Variants in SPATA16 observed in about 807,000 individuals in gnomAD.
SPATA16 encodes spermatogenesis-associated protein 16.
In SPATA16, 36 loss-of-function variants were observed where a neutral mutation model predicts 63.3. That is an observed-to-expected ratio of 0.57 (90% CI 0.44 to 0.75). The LOEUF (loss-of-function observed/expected upper bound fraction) is 0.75. SPATA16 is among the 30% of genes least tolerant of loss of function. The pLI is 0.00. For missense variants in SPATA16, 646 were observed against 679.3 expected, an observed-to-expected ratio of 0.95 and a Z score of 0.54; for synonymous variants, 203 against 216.7, an observed-to-expected ratio of 0.94 and a Z score of 0.56.
intron 2 of SPATA16, among the ~76,000 whole-genome samples, chr3:173,100,913 T>C (rs1737477568): frequency 6.6e-6 from 1 of 152,092 alleles, no homozygotes; most frequent in Non-Finnish European, 1.5e-5. Flanking sequence ...TGTCAAAATA[T>C]ACAAACAACC....
At chr3:173,001,894 A>G (rs1734837104) in intron 4 of SPATA16, among the ~76,000 whole-genome samples, 1 of 152,228 alleles carries the variant, frequency 6.6e-6, no homozygotes, top group Non-Finnish European at 1.5e-5. Context: ...ACTGGAAACC[A>G]GAAGACCATT....
In SPATA16 at chr3:173,117,465, T is replaced by C. The variant is rs1459024169; in HGVS notation, c.267A>G (p.Glu89=). The C allele has an allele frequency of 2.5e-6, 4 of 1,614,074 alleles. No homozygotes were observed. Among genetic ancestry groups the C allele is most frequent in the African/African-American group, 1.3e-5 (1 of 74,946 alleles). ...KAAFKRKAEG[E]EKPTRKKQAK... Reference sequence around the variant, plus strand: ...CCTGTTTCTTTCTAGTTGGCTTTTCTTCACCTTCTGCCTTCCGTTTAAAGG... The same window carrying C: ...CCTGTTTCTTTCTAGTTGGCTTTTCCTCACCTTCTGCCTTCCGTTTAAAGG... Residue 89 remains glutamate (E), a synonymous_variant, in exon 2 of 11, where the codon GAA becomes GAG. Coordinates refer to ENST00000351008, the MANE Select transcript of SPATA16 (RefSeq NM_031955.6).
At position 173,124,937 on chromosome 3, in the gene SPATA16, T is replaced by C. The variant is rs113819761; in HGVS notation, c.-18-7188A>G. 6.0e-3 allele frequency among the ~76,000 whole-genome samples: 906 copies of C among 152,268 alleles called. 12 individuals are homozygous for C. Among genetic ancestry groups the C allele is most frequent in the African/African-American group, 0.021 (858 of 41,544 alleles). On this transcript the variant is annotated intron_variant, in intron 1 of 10. Coordinates refer to ENST00000351008, the MANE Select transcript of SPATA16 (RefSeq NM_031955.6). ...TCAAATACCATCATACATACCTAACTACCCGTGTTACAACTCTAGTCCTTA... is the reference window on the plus strand; with the variant it reads ...TCAAATACCATCATACATACCTAACCACCCGTGTTACAACTCTAGTCCTTA...
chr3:173,001,130 C>T (rs1413517813), intron 4 of SPATA16, among the ~76,000 whole-genome samples: 1 of 152,114 alleles, frequency 6.6e-6, no homozygotes, highest in Non-Finnish European at 1.5e-5. Flanking sequence ...AAAGGAACTG[C>T]AGTACAAAGA....
At position 173,060,255 on chromosome 3, in the gene SPATA16, C is replaced by A. The variant is rs114049327; in HGVS notation, c.613-11161G>T. Among the ~76,000 whole-genome samples the A allele has an allele frequency of 2.8e-3, 424 of 152,068 alleles. 4 individuals carry two copies. The highest frequency in any genetic ancestry group is 9.5e-3 in the African/African-American group (394 of 41,476). ...CCAGGTGACAACAGCGAAACTCCAT[C>A]CCCAAAAAAAGAAACAAAGCCAAAG... is the stretch of plus-strand genomic sequence containing the variant. On this transcript the variant is annotated intron_variant, in intron 2 of 10. Coordinates refer to ENST00000351008, the MANE Select transcript of SPATA16 (RefSeq NM_031955.6).
chr3:173,040,427 C>T (rs760498501), intron 3 of SPATA16, among the ~76,000 whole-genome samples: 13 of 151,964 alleles, frequency 8.6e-5, no homozygotes, highest in South Asian at 4.1e-4. Context: ...GGAAAGTGGA[C>T]GTATTTTAGT....
At chr3:172,977,121 G>T in intron 4 of SPATA16, 69 bp from the exon 5 acceptor site, 1 of 1,232,372 alleles carries the variant, frequency 8.1e-7, no homozygotes, top group Non-Finnish European at 1.2e-6. Flanking sequence ...ACCATAACAG[G>T]CACTATATAC....
rs1341575315 is a variant in SPATA16 at position 173,088,079 on chromosome 3, T to TTTCC, written c.612+29040_612+29041insGGAA. Among the ~76,000 whole-genome samples, 12 of 105,990 alleles carry TTTCC rather than the reference T, an allele frequency of 1.1e-4. No individual in the cohort carries two copies. The East Asian group carries it at 3.1e-3, about 27-fold the overall frequency. 69.5% of individuals were successfully genotyped at this position (105,990 alleles called of 152,430 possible). On this transcript the variant is annotated intron_variant, in intron 2 of 10. Coordinates refer to ENST00000351008, the MANE Select transcript of SPATA16 (RefSeq NM_031955.6). ...CTTTCTTTCTTTCTTTCTTTCTTTC[T>TTTCC]GTCTTTTCTTTTTTTTTTTTTTTTG...
intron 4 of SPATA16, among the ~76,000 whole-genome samples, chr3:172,987,705 C>A (rs1734488183): frequency 1.3e-5 from 2 of 152,164 alleles, no homozygotes; most frequent in Admixed American, 6.5e-5. Context: ...GCTTTCAGTT[C>A]TTCACAGCAG....
At chr3:173,098,945 TCAAC>T (rs541883923) in intron 2 of SPATA16, among the ~76,000 whole-genome samples, 50 of 151,962 alleles carry the variant, frequency 3.3e-4, no homozygotes, top group Non-Finnish European at 6.3e-4. Flanking sequence ...TTGGCAAAAA[TCAAC>T]CAACCAACCA....
chr3:173,123,363 A>G (rs1738135134), intron 1 of SPATA16, among the ~76,000 whole-genome samples: 1 of 152,188 alleles, frequency 6.6e-6, no homozygotes, highest in Non-Finnish European at 1.5e-5. Flanking sequence ...TGAACCCAGC[A>G]TGTCAAATTC....
In SPATA16 at chr3:173,128,580, G is replaced by A. The variant is rs150306114; in HGVS notation, c.-18-10831C>T. Among the ~76,000 whole-genome samples, 57 of 152,292 alleles carry A rather than the reference G, an allele frequency of 3.7e-4. 1 individual carries two copies. Among genetic ancestry groups the A allele is most frequent in the Non-Finnish European group, 7.6e-4 (52 of 68,028 alleles). ...GAAGAGGGCTGTATTGAAAACACCA[G>A]AGGTTCACATCATGCAAATGGTTAT... On this transcript the variant is annotated intron_variant, in intron 1 of 10. Transcript: ENST00000351008.
At chr3:173,073,068 C>T (rs2203977) in intron 2 of SPATA16, among the ~76,000 whole-genome samples, 28,120 of 152,002 alleles carry the variant, frequency 0.18, 2,950 homozygotes, top group African/African-American at 0.29. Context: ...GCCTCTACTC[C>T]AGAGATATGT....
chr3:172,935,114 T>C (rs972232710), intron 6 of SPATA16, among the ~76,000 whole-genome samples: 1 of 152,172 alleles, frequency 6.6e-6, no homozygotes, highest in Non-Finnish European at 1.5e-5. Context: ...TCAGTTAGTA[T>C]AGACAAGAGT....
chr3:173,122,069 G>C (rs1738089981), intron 1 of SPATA16, among the ~76,000 whole-genome samples: 1 of 152,124 alleles, frequency 6.6e-6, no homozygotes, highest in Admixed American at 6.5e-5. Flanking sequence ...CTATAAAAAT[G>C]CTCATTCTTT....
chr3:172,925,209 GGAAC>G, intron 7 of SPATA16, 133 bp downstream of exon 7: 1 of 961,428 alleles, frequency 1.0e-6, no homozygotes, highest in Admixed American at 2.3e-5. Context: ...AAGATTTCCT[GGAAC>G]CAGAATTCCA....
intron 3 of SPATA16, among the ~76,000 whole-genome samples, chr3:173,025,643 A>G (rs1408452100): frequency 6.6e-6 from 1 of 151,868 alleles, no homozygotes; most frequent in Non-Finnish European, 1.5e-5. Flanking sequence ...TCTGGCAACC[A>G]CTGATCTATT....
intron 10 of SPATA16, among the ~76,000 whole-genome samples, chr3:172,903,477 C>A (rs985830398): frequency 6.6e-6 from 1 of 152,178 alleles, no homozygotes; most frequent in Non-Finnish European, 1.5e-5. Flanking sequence ...GGTCCACTTC[C>A]AGCCTCAAGA....
intron 2 of SPATA16, among the ~76,000 whole-genome samples, chr3:173,050,473 C>T (rs1186873874): frequency 1.3e-5 from 2 of 152,038 alleles, no homozygotes; most frequent in Non-Finnish European, 2.9e-5. Context: ...CAAAGTTGGT[C>T]TCTTTACATT....
Sources: gnomAD v4.1 joint callset for allele counts (sites outside exome capture counted in the v4.1 genomes callset) on GRCh38, gnomAD v4.1.1 for gene constraint, MANE v1.5 for transcripts, NCBI Gene and HGNC (gene_info 2026-07-23, HGNC 2026-07-21) for gene names.